The following HVCN1 variants were observed in gnomAD, a reference collection of about 807,000 sequenced individuals.
HVCN1 encodes hydrogen voltage gated channel 1.
HVCN1 carries 14 observed loss-of-function variants against 29.2 expected under a neutral mutation model. The observed-to-expected ratio is 0.48, with a 90% CI of 0.32 to 0.75. The LOEUF (loss-of-function observed/expected upper bound fraction) is 0.75, where lower values mean the gene tolerates loss of function less well. Among genes scored for constraint, HVCN1 ranks in the 30% least tolerant of loss-of-function variants. The pLI, the probability that HVCN1 is intolerant of heterozygous loss-of-function variation, is 0.04. For missense variants in HVCN1, 263 were observed against 341.8 expected (o/e 0.77, Z 1.82); for synonymous variants, 131 against 133.2 (o/e 0.98, Z 0.11).
chr12:110,680,568 C>T (rs2068929482), intron 3 of HVCN1, among the ~76,000 whole-genome samples: 1 of 152,208 alleles, frequency 6.6e-6, no homozygotes, highest in South Asian at 2.1e-4. Flanking sequence ...ACTTATGTAT[C>T]ATCTACCCAT....
In HVCN1 at chr12:110,661,487, T is replaced by C. The variant is rs1434348284; in HGVS notation, c.22-39A>G. The C allele has an allele frequency of 2.5e-6, 4 of 1,598,202 alleles. No homozygotes were observed. The highest frequency in any genetic ancestry group is 3.4e-6 in the Non-Finnish European group (4 of 1,170,696). ...ACAGAGAGCAAGAGCTTCAGGCAGT[T>C]GGCCACTCAGAGCCCACATGGCCCA... On this transcript the variant is annotated intron_variant, in intron 3 of 7. Coordinates refer to ENST00000242607, the MANE Select transcript of HVCN1 (RefSeq NM_032369.4). The surrounding 1 kb of genome is among the most constrained non-coding windows in gnomAD (Gnocchi z 6.2).
chr12:110,668,845 C>T (rs142584357), intron 3 of HVCN1, among the ~76,000 whole-genome samples: 1 of 152,180 alleles, frequency 6.6e-6, no homozygotes, highest in African/African-American at 2.4e-5. Context: ...GTCCCACACT[C>T]TTTGACGCTG....
At chr12:110,678,176 A>G (rs929791915) in intron 3 of HVCN1, among the ~76,000 whole-genome samples, 12 of 152,208 alleles carry the variant, frequency 7.9e-5, no homozygotes, top group African/African-American at 2.9e-4. Context: ...GCCAGCGAGA[A>G]GCAAGGCTAG....
Position 110,661,539 on chromosome 12 carries a change from G to T in HVCN1, c.22-91C>A. 3 of 1,282,994 alleles carry T rather than the reference G, an allele frequency of 2.3e-6. No individual in the cohort carries two copies. The highest frequency in any genetic ancestry group is 2.2e-6 in the Non-Finnish European group (2 of 919,162). The allele number at this position is 1,282,994 out of a possible 1,614,324, so 79.5% of individuals were successfully genotyped here. On this transcript the variant is annotated intron_variant, in intron 3 of 7. Transcript: ENST00000242607. This position sits in a 1 kb window ranked among gnomAD's most constrained non-coding sequence, Gnocchi z 6.2. ...GCCGGGCCAGGCCACTGCAGGTGAA[G>T]ATGGTCCCGGGTGCGTAGAACCCCC... is the stretch of plus-strand genomic sequence containing the variant.
At chr12:110,688,328 C>CA (rs1439371638) in intron 2 of HVCN1, 1 of 152,220 alleles carries the variant, frequency 6.6e-6, no homozygotes, top group African/African-American at 2.4e-5. Context: ...GTGGTGGGGG[C>CA]AATGTTGGAG....
chr12:110,661,403 T>C lies in HVCN1; in HGVS notation c.67A>G (p.Lys23Glu). The C allele has an allele frequency of 3.7e-6, 6 of 1,614,220 alleles. No individual in the cohort carries two copies. The highest frequency in any genetic ancestry group is 4.2e-6 in the Non-Finnish European group (5 of 1,180,020). Reference sequence around the variant, plus strand: ...ACGACCGTGAAGTGCCTTAAGAACTTGCTCATCCTCTCAGCGGGAGCCACC... The same window carrying C: ...ACGACCGTGAAGTGCCTTAAGAACTCGCTCATCCTCTCAGCGGGAGCCACC... ...AKVAPAERMS[K>E]FLRHFTVVGD... The change falls in exon 4 of 8, where the codon AAG becomes GAG. Residue 23 changes from lysine to glutamate, a missense_variant. By Grantham distance (56) the Lys-to-Glu change is moderately conservative. Transcript: ENST00000242607. The surrounding 1 kb of genome is among the most constrained non-coding windows in gnomAD (Gnocchi z 6.2).
At chr12:110,651,943 G>T (rs907391257) in intron 5 of HVCN1, among the ~76,000 whole-genome samples, 6 of 152,218 alleles carry the variant, frequency 3.9e-5, no homozygotes, top group African/African-American at 1.4e-4. Context: ...GCTAGGTGGG[G>T]CCTCCTGCCA....
In HVCN1 at chr12:110,676,609, A is replaced by G. The variant is rs1040945320; in HGVS notation, c.21+6616T>C. 6.6e-6 allele frequency among the ~76,000 whole-genome samples: 1 copy of G among 152,140 alleles called. No homozygotes were observed. The highest frequency in any genetic ancestry group is 2.4e-5 in the African/African-American group (1 of 41,428). Reference sequence around the variant, plus strand: ...CCCAGCTCCAATGAAAACTCTGGGCATTGGGTCTCTAAGGAACTGCTCTGC... The same window carrying G: ...CCCAGCTCCAATGAAAACTCTGGGCGTTGGGTCTCTAAGGAACTGCTCTGC... On this transcript the variant is annotated intron_variant, in intron 3 of 7. Transcript: ENST00000242607. The surrounding 1 kb of genome is among the most constrained non-coding windows in gnomAD (Gnocchi z 4.1).
chr12:110,662,697 C>T (rs1301918266), intron 3 of HVCN1, among the ~76,000 whole-genome samples: 1 of 152,104 alleles, frequency 6.6e-6, no homozygotes, highest in Non-Finnish European at 1.5e-5. Context: ...AGGTTGAGAC[C>T]TTGTCTCAAA....
rs895750204 is a variant in HVCN1 at position 110,661,912 on chromosome 12, G to A, written c.22-464C>T. Among the ~76,000 whole-genome samples the A allele has an allele frequency of 1.3e-5, 2 of 152,222 alleles. No individual in the cohort carries two copies. The highest frequency in any genetic ancestry group is 2.4e-5 in the African/African-American group (1 of 41,462). On this transcript the variant is annotated intron_variant, in intron 3 of 7. Coordinates refer to ENST00000242607, the MANE Select transcript of HVCN1 (RefSeq NM_032369.4). The surrounding 1 kb of genome is among the most constrained non-coding windows in gnomAD (Gnocchi z 6.2). Reference sequence around the variant, plus strand: ...ACCCATCACGCCACACATCCTGACAGGCGCGTGGCAGATGGACATTTTCCA... The same window carrying A: ...ACCCATCACGCCACACATCCTGACAAGCGCGTGGCAGATGGACATTTTCCA...
At chr12:110,696,965 A>G (rs1203387255) in intron 2 of HVCN1, among the ~76,000 whole-genome samples, 1 of 151,990 alleles carries the variant, frequency 6.6e-6, no homozygotes, top group African/African-American at 2.4e-5. Context: ...GGAGTAGGGA[A>G]GGAAAAAGGG....
At chr12:110,699,340 G>C (rs905256096) in intron 2 of HVCN1, among the ~76,000 whole-genome samples, 2 of 152,166 alleles carry the variant, frequency 1.3e-5, no homozygotes, top group Non-Finnish European at 2.9e-5. Context: ...GCCAATGGGA[G>C]AGAGACAGAG....
upstream of HVCN1, among the ~76,000 whole-genome samples, chr12:110,691,908 G>A (rs2069412908): frequency 6.6e-6 from 1 of 152,164 alleles, no homozygotes; most frequent in African/African-American, 2.4e-5. Flanking sequence ...CACCAGCAGG[G>A]ACCTATGTCC....
At chr12:110,696,949 C>T (rs1241670194) in intron 2 of HVCN1, among the ~76,000 whole-genome samples, 2 of 151,496 alleles carry the variant, frequency 1.3e-5, no homozygotes, top group Non-Finnish European at 2.9e-5. Flanking sequence ...TTGGACAAGT[C>T]GGTTGGGAGT....
At chr12:110,678,435 ATTTCTTTTTTTTTTTT>A (rs2068821902) in intron 3 of HVCN1, among the ~76,000 whole-genome samples, 1 of 65,140 alleles carries the variant, frequency 1.5e-5, no homozygotes, top group Non-Finnish European at 3.3e-5. Context: ...ATTTCATTCT[ATTTCTTTTTTTTTTTT>A]TTTTTTTTTT....
At chr12:110,681,735 G>C (rs1055814911) in intron 3 of HVCN1, among the ~76,000 whole-genome samples, 2 of 151,998 alleles carry the variant, frequency 1.3e-5, no homozygotes, top group African/African-American at 4.8e-5. Context: ...ACTCACCCCT[G>C]CTGCTGCCCT....
intron 2 of HVCN1, among the ~76,000 whole-genome samples, chr12:110,684,899 C>T (rs958077078): frequency 1.3e-5 from 2 of 152,168 alleles, no homozygotes; most frequent in Non-Finnish European, 2.9e-5. Context: ...ATTCTATGCC[C>T]TCACAAGCAC....
At chr12:110,672,576 C>T (rs755545446) in intron 3 of HVCN1, among the ~76,000 whole-genome samples, 7 of 152,110 alleles carry the variant, frequency 4.6e-5, no homozygotes, top group East Asian at 1.9e-4. Context: ...TGAAACTTTG[C>T]ATTTTTTTTT....
rs577854514 is a variant in HVCN1 at position 110,657,511 on chromosome 12, A to G, written c.307-2173T>C. Among the ~76,000 whole-genome samples, 11 of 151,824 alleles carry G rather than the reference A, an allele frequency of 7.2e-5. No homozygotes were observed. The East Asian group carries it at 2.1e-3, about 29-fold the overall frequency. On this transcript the variant is annotated intron_variant, in intron 4 of 7. Coordinates refer to ENST00000242607, the MANE Select transcript of HVCN1 (RefSeq NM_032369.4). ...ACTCCATCTCAAAAAGAAAAAAGAA[A>G]AAAAAAAAAAAAGAAAATGCTCTGG...
Sources: allele counts gnomAD v4.1 joint callset (sites outside exome capture counted in the v4.1 genomes callset), GRCh38; gene constraint gnomAD v4.1.1; non-coding constraint Gnocchi (gnomAD v3.1); transcripts MANE v1.5; gene names NCBI Gene and HGNC (gene_info 2026-07-23, HGNC 2026-07-21).